The following GOLM2 variants were observed in gnomAD, a reference collection of about 807,000 sequenced individuals.
The protein encoded by GOLM2 is protein GOLM2.
In GOLM2, 26 loss-of-function variants were observed where a neutral mutation model predicts 55.9. That is an observed-to-expected ratio of 0.47 (90% CI 0.34 to 0.65). The LOEUF (loss-of-function observed/expected upper bound fraction) is 0.65, where lower values mean the gene tolerates loss of function less well. GOLM2 is among the 30% of genes least tolerant of loss of function. GOLM2 has a pLI of 0.01. For missense variants in GOLM2, 486 were observed against 531.8 expected (o/e 0.91, Z 0.85); for synonymous variants, 165 against 194.6 (o/e 0.85, Z 1.27).
intron 8 of GOLM2, among the ~76,000 whole-genome samples, chr15:44,398,950 G>T (rs572193674): frequency 6.6e-6 from 1 of 152,146 alleles, no homozygotes; most frequent in Non-Finnish European, 1.5e-5. Flanking sequence ...TTACAGGCGT[G>T]AGCCACCATG....
At chr15:44,352,433 C>T (rs1000959440) in intron 6 of GOLM2, among the ~76,000 whole-genome samples, 4 of 152,074 alleles carry the variant, frequency 2.6e-5, no homozygotes, top group Non-Finnish European at 5.9e-5. Context: ...AATGAATTTA[C>T]GACTCAAATC....
At chr15:44,353,583 G>A (rs1048691552) in intron 6 of GOLM2, among the ~76,000 whole-genome samples, 2 of 152,138 alleles carry the variant, frequency 1.3e-5, no homozygotes, top group African/African-American at 2.4e-5. Flanking sequence ...ACACATTGGA[G>A]TACTATTTAG....
intron 1 of GOLM2, among the ~76,000 whole-genome samples, chr15:44,316,445 A>G (rs1175756332): frequency 6.6e-6 from 1 of 152,202 alleles, no homozygotes; most frequent in African/African-American, 2.4e-5. Context: ...TCTCAGAGGA[A>G]GGGTTAAAGC....
At position 44,379,926 on chromosome 15, in the gene GOLM2, C is replaced by T. The variant is rs546881728; in HGVS notation, c.901+138C>T. 3.3e-5 allele frequency: 16 copies of T among 485,506 alleles called. 1 individual carries two copies. The South Asian group carries it at 6.9e-4, about 21-fold the overall frequency. 30.1% of individuals were successfully genotyped at this position (485,506 alleles called of 1,614,324 possible). On this transcript the variant is annotated intron_variant, in intron 7 of 9. Coordinates refer to ENST00000299957, the MANE Select transcript of GOLM2 (RefSeq NM_138423.4). Reference sequence around the variant, plus strand: ...TGAGGTAATGTTATTTTTTTTTAGACTAGTAAAAGCAGAGAGAAATAATAA... The same window carrying T: ...TGAGGTAATGTTATTTTTTTTTAGATTAGTAAAAGCAGAGAGAAATAATAA...
At chr15:44,350,691 A>G (rs535222207) in intron 6 of GOLM2, among the ~76,000 whole-genome samples, 3 of 152,374 alleles carry the variant, frequency 2.0e-5, no homozygotes, top group African/African-American at 7.2e-5. Context: ...CCACAGACCA[A>G]TATCTCTGAT....
At chr15:44,412,302 C>T (rs1235538364) in intron 9 of GOLM2, among the ~76,000 whole-genome samples, 2 of 152,180 alleles carry the variant, frequency 1.3e-5, no homozygotes, top group Non-Finnish European at 2.9e-5. Context: ...GATCACAACT[C>T]ATAGCCAAGA....
chr15:44,295,517 G>C (rs1253135794), intron 1 of GOLM2, among the ~76,000 whole-genome samples: 1 of 152,186 alleles, frequency 6.6e-6, no homozygotes, highest in African/African-American at 2.4e-5. Flanking sequence ...TCAGCCTGGA[G>C]GGGTGTATTA....
intron 6 of GOLM2, among the ~76,000 whole-genome samples, chr15:44,339,921 G>A (rs1286212601): frequency 6.6e-6 from 1 of 152,114 alleles, no homozygotes; most frequent in Non-Finnish European, 1.5e-5. Context: ...CCGGGCATAA[G>A]CGATCTTCCC....
intron 1 of GOLM2, among the ~76,000 whole-genome samples, chr15:44,303,140 A>G (rs1038193691): frequency 7.5e-5 from 11 of 147,252 alleles, no homozygotes; most frequent in Admixed American, 1.4e-4. Flanking sequence ...AAATAAATAA[A>G]TAGTCTAAAT....
At chr15:44,393,227 C>T (rs975438962) in intron 8 of GOLM2, among the ~76,000 whole-genome samples, 1 of 152,084 alleles carries the variant, frequency 6.6e-6, no homozygotes, top group Non-Finnish European at 1.5e-5. Flanking sequence ...CAGCAGTAAA[C>T]ATAGTGAAAC....
At chr15:44,324,286 A>T (rs1438581706) in intron 2 of GOLM2, among the ~76,000 whole-genome samples, 1 of 152,226 alleles carries the variant, frequency 6.6e-6, no homozygotes, top group Non-Finnish European at 1.5e-5. Flanking sequence ...AACCTGTGTT[A>T]CTGAGTAAAA....
intron 8 of GOLM2, among the ~76,000 whole-genome samples, chr15:44,398,219 T>C (rs2079540254): frequency 6.6e-6 from 1 of 152,256 alleles, no homozygotes; most frequent in African/African-American, 2.4e-5. Flanking sequence ...CAGTGTGCAA[T>C]AGCACACGTA....
intron 8 of GOLM2, chr15:44,387,471 A>T (rs915884986): frequency 4.6e-5 from 7 of 152,070 alleles, no homozygotes; most frequent in Non-Finnish European, 1.0e-4. Context: ...TATAAATATG[A>T]CTGATTTTTG....
intron 8 of GOLM2, among the ~76,000 whole-genome samples, chr15:44,399,351 A>C (rs2079550074): frequency 6.6e-6 from 1 of 152,242 alleles, no homozygotes; most frequent in South Asian, 2.1e-4. Context: ...TTGGAAGCCC[A>C]GTATTAAAGG....
At chr15:44,346,984 C>T (rs1283653965) in intron 6 of GOLM2, among the ~76,000 whole-genome samples, 1 of 151,734 alleles carries the variant, frequency 6.6e-6, no homozygotes, top group African/African-American at 2.4e-5. Context: ...AATGGCTAGG[C>T]ATAGTGGCAC....
intron 5 of GOLM2, 126 bp from the exon 6 acceptor site, chr15:44,338,111 C>T: frequency 9.9e-7 from 1 of 1,006,166 alleles, no homozygotes; most frequent in South Asian, 1.5e-5. Context: ...ATGTCCAAAG[C>T]AAGAGGTAAA....
intron 6 of GOLM2, among the ~76,000 whole-genome samples, chr15:44,377,316 G>A (rs953303599): frequency 2.0e-5 from 3 of 152,192 alleles, no homozygotes; most frequent in African/African-American, 7.2e-5. Flanking sequence ...AAGTTGCAGT[G>A]AGTGATGATT....
chr15:44,297,124 T>C (rs115263051), intron 1 of GOLM2, among the ~76,000 whole-genome samples: 1,547 of 152,310 alleles, frequency 0.01, 26 homozygotes, highest in African/African-American at 0.035. Flanking sequence ...CAGTGTATCA[T>C]ATTGAGTGCT....
intron 1 of GOLM2, among the ~76,000 whole-genome samples, chr15:44,292,360 C>G (rs1000227066): frequency 9.9e-5 from 15 of 151,626 alleles, no homozygotes; most frequent in African/African-American, 2.7e-4. Flanking sequence ...CCATGCCCGG[C>G]TAATTTTTTG....
Sources: gnomAD v4.1 joint callset for allele counts (sites outside exome capture counted in the v4.1 genomes callset) on GRCh38, gnomAD v4.1.1 for gene constraint, MANE v1.5 for transcripts, NCBI Gene and HGNC (gene_info 2026-07-23, HGNC 2026-07-21) for gene names.